Variants in SGCD observed in about 807,000 individuals in gnomAD.
The protein encoded by SGCD is sarcoglycan delta.
SGCD carries 18 observed loss-of-function variants against 36.6 expected under a neutral mutation model. The observed-to-expected ratio is 0.49, with a 90% CI of 0.34 to 0.73. The LOEUF (loss-of-function observed/expected upper bound fraction) is 0.73, where lower values mean the gene tolerates loss of function less well. Among genes scored for constraint, SGCD ranks in the 30% least tolerant of loss-of-function variants. The pLI, the probability that SGCD is intolerant of heterozygous loss-of-function variation, is 0.01. For missense variants in SGCD, 387 were observed against 346.7 expected (o/e 1.12, Z -0.92); for synonymous variants, 133 against 130.6 (o/e 1.02, Z -0.12).
intron 3 of SGCD, among the ~76,000 whole-genome samples, chr5:156,289,895 C>A (rs1766711890): frequency 1.3e-5 from 2 of 151,936 alleles, no homozygotes; most frequent in Admixed American, 6.6e-5. Flanking sequence ...CTAGAATTTC[C>A]CCATCTTTAT....
At chr5:156,547,328 A>G (rs532818308) in intron 4 of SGCD, among the ~76,000 whole-genome samples, 63 of 152,274 alleles carry the variant, frequency 4.1e-4, no homozygotes, top group African/African-American at 1.4e-3. Flanking sequence ...ACCTTGCCAC[A>G]TATCCATCGG....
intron 7 of SGCD, among the ~76,000 whole-genome samples, chr5:156,730,402 C>A (rs959951912): frequency 6.6e-6 from 1 of 152,108 alleles, no homozygotes; most frequent in Non-Finnish European, 1.5e-5. Context: ...TGCCCCAGTG[C>A]ATGTTGTTCC....
At chr5:155,964,486 C>T (rs966143221) in intron 1 of SGCD, among the ~76,000 whole-genome samples, 1 of 151,926 alleles carries the variant, frequency 6.6e-6, no homozygotes, top group Non-Finnish European at 1.5e-5. Flanking sequence ...TTACAGGCAC[C>T]CACCACCTTG....
rs117663469 is a variant in SGCD, at chr5:156,762,415, C to T, written c.*3025C>T. ...ACTATTCGAGTATCACAGAGGTTTT[C>T]AAAAGCCCTTATGGTGACATCTACC... On this transcript the variant is annotated 3_prime_UTR_variant, in exon 9 of 9. Coordinates refer to ENST00000337851, the MANE Select transcript of SGCD (RefSeq NM_000337.6). 3 of 152,730 alleles carry T rather than the reference C, an allele frequency of 2.0e-5. No homozygotes were observed. The East Asian group carries it at 5.8e-4, about 29-fold the overall frequency. 9.5% of individuals were successfully genotyped at this position (152,730 alleles called of 1,614,324 possible). A position where few individuals can be genotyped will look rare whatever the true frequency, so the allele number is the denominator to read the frequency against.
intron 3 of SGCD, among the ~76,000 whole-genome samples, chr5:156,264,743 G>A (rs1416450820): frequency 6.6e-6 from 1 of 152,144 alleles, no homozygotes; most frequent in Non-Finnish European, 1.5e-5. Flanking sequence ...GTTTGGGCAT[G>A]TTAACCAAGC....
the SGCD span, among the ~76,000 whole-genome samples, chr5:155,737,247 A>G: frequency 6.6e-6 from 1 of 152,218 alleles, no homozygotes; most frequent in Admixed American, 6.5e-5. Context: ...ACATTAAGGT[A>G]TTTTATGTCA....
intron 1 of SGCD, among the ~76,000 whole-genome samples, chr5:155,977,252 T>C (rs755540506): frequency 1.3e-5 from 2 of 152,226 alleles, no homozygotes; most frequent in Non-Finnish European, 1.5e-5. Flanking sequence ...ACATCACTTA[T>C]TGTTTTCTCA....
chr5:156,581,503 T>C (rs1348809331), intron 4 of SGCD, among the ~76,000 whole-genome samples: 1 of 152,226 alleles, frequency 6.6e-6, no homozygotes, highest in Non-Finnish European at 1.5e-5. Flanking sequence ...CTGCCTTTTT[T>C]TCAGCTATAC....
chr5:156,603,170 G>A (rs550967693), intron 6 of SGCD, among the ~76,000 whole-genome samples: 1 of 151,876 alleles, frequency 6.6e-6, no homozygotes, highest in African/African-American at 2.4e-5. Flanking sequence ...AATCTTGTTA[G>A]GTTCTATGGG....
chr5:156,358,047 G>A (rs1326465531), intron 3 of SGCD, among the ~76,000 whole-genome samples: 2 of 152,072 alleles, frequency 1.3e-5, no homozygotes, highest in Non-Finnish European at 2.9e-5. Context: ...CCGATGTATG[G>A]GAGTTTTGAC....
chr5:155,999,560 C>A (rs1487834009), intron 1 of SGCD, among the ~76,000 whole-genome samples: 3 of 152,146 alleles, frequency 2.0e-5, no homozygotes, highest in East Asian at 3.9e-4. Context: ...TAATGATAAA[C>A]AGGACAAACA....
chr5:156,272,181 C>G (rs73302657), intron 3 of SGCD, among the ~76,000 whole-genome samples: 167 of 152,072 alleles, frequency 1.1e-3, no homozygotes, highest in African/African-American at 3.7e-3. Context: ...ATCTTCCCCC[C>G]ACTCTGTGAG....
At chr5:155,959,208 C>A (rs185641418) in intron 1 of SGCD, among the ~76,000 whole-genome samples, 1 of 152,244 alleles carries the variant, frequency 6.6e-6, no homozygotes, top group African/African-American at 2.4e-5. Context: ...CATTAATAGC[C>A]GTCCACACTC....
chr5:156,406,439 CCTCTT>C (rs1238247537), intron 3 of SGCD, among the ~76,000 whole-genome samples: 13 of 152,146 alleles, frequency 8.5e-5, no homozygotes, highest in African/African-American at 3.1e-4. Context: ...CCTCTCCTCT[CCTCTT>C]CTCTTTATTT....
At chr5:156,521,051 T>C (rs1241132116) in intron 4 of SGCD, among the ~76,000 whole-genome samples, 3 of 135,948 alleles carry the variant, frequency 2.2e-5, no homozygotes, top group Admixed American at 7.4e-5. Context: ...AGACCACACA[T>C]CTACAACCAT....
At chr5:156,265,285 G>C (rs1312207349) in intron 3 of SGCD, among the ~76,000 whole-genome samples, 1 of 152,128 alleles carries the variant, frequency 6.6e-6, no homozygotes, top group Non-Finnish European at 1.5e-5. Flanking sequence ...GAGGGAGGTA[G>C]GGAGAAGTTC....
chr5:156,391,639 G>A (rs1325036770), intron 3 of SGCD, among the ~76,000 whole-genome samples: 2 of 152,150 alleles, frequency 1.3e-5, no homozygotes, highest in African/African-American at 4.8e-5. Context: ...ATAAGAAAAT[G>A]TGTGTATATT....
intron 7 of SGCD, among the ~76,000 whole-genome samples, chr5:156,757,179 G>A (rs1452149203): frequency 7.8e-6 from 1 of 128,220 alleles, no homozygotes; most frequent in South Asian, 2.6e-4. Context: ...TGCCTCCATG[G>A]AAGATACAGA....
At chr5:156,332,169 A>T (rs1768097409) in intron 2 of SGCD, among the ~76,000 whole-genome samples, 1 of 152,104 alleles carries the variant, frequency 6.6e-6, no homozygotes, top group Non-Finnish European at 1.5e-5. Flanking sequence ...TTGCGTCCCC[A>T]CCCCTCTGAT....
Sources: gnomAD v4.1 joint callset for allele counts (sites outside exome capture counted in the v4.1 genomes callset) on GRCh38, gnomAD v4.1.1 for gene constraint, MANE v1.5 for transcripts, NCBI Gene and HGNC (gene_info 2026-07-23, HGNC 2026-07-21) for gene names.